NELL2: variants seen among roughly 807,000 people sequenced by gnomAD.
The protein encoded by NELL2 is neural EGFL like 2.
Under a neutral mutation model 109.6 loss-of-function variants are expected in NELL2, and 41 were observed. The observed-to-expected ratio is 0.37, with a 90% confidence interval of 0.29 to 0.49. The LOEUF is 0.49. Among genes scored for constraint, NELL2 ranks in the 20% least tolerant of loss-of-function variants. The probability of loss-of-function intolerance (pLI) is 0.98; values close to 1 mark genes in which losing one functional copy is unlikely to be tolerated. For missense variants in NELL2, 900 were observed against 1,008.3 expected, an observed-to-expected ratio of 0.89 and a Z score of 1.45; for synonymous variants, 355 against 344.7, an observed-to-expected ratio of 1.03 and a Z score of -0.33.
At chr12:44,656,787 C>T (rs955293182) in intron 13 of NELL2, among the ~76,000 whole-genome samples, 3 of 152,046 alleles carry the variant, frequency 2.0e-5, no homozygotes, top group East Asian at 1.9e-4. Flanking sequence ...CATGCACACA[C>T]GATAAATTAT....
chr12:44,910,971 T>C (rs385834), intron 1 of NELL2, among the ~76,000 whole-genome samples: 103,345 of 151,674 alleles, frequency 0.68, 36,014 homozygotes, highest in East Asian at 0.94. Flanking sequence ...GACATAAAGA[T>C]GGCAATAATA....
chr12:44,813,185 C>G (rs1753589037), intron 3 of NELL2, among the ~76,000 whole-genome samples: 1 of 152,152 alleles, frequency 6.6e-6, no homozygotes, highest in South Asian at 2.1e-4. Flanking sequence ...ATCTCCAGGT[C>G]TACACTCTTA....
chr12:44,837,856 A>G (rs1382950429), intron 2 of NELL2, among the ~76,000 whole-genome samples: 1 of 152,212 alleles, frequency 6.6e-6, no homozygotes, highest in Non-Finnish European at 1.5e-5. Context: ...TTTAATTTCT[A>G]CATTAAATCA....
intron 13 of NELL2, among the ~76,000 whole-genome samples, chr12:44,650,726 A>G (rs1740781121): frequency 6.6e-6 from 1 of 150,986 alleles, no homozygotes; most frequent in African/African-American, 2.5e-5. Flanking sequence ...AATTGTCCTT[A>G]TAAGAAGAGA....
chr12:44,587,284 A>AAAAAAAAAAAAAAAAATATATAT, intron 15 of NELL2, among the ~76,000 whole-genome samples: 5 of 72,214 alleles, frequency 6.9e-5, no homozygotes, highest in African/African-American at 2.0e-4. Flanking sequence ...AAAAAAAAAA[A>AAAAAAAAAAAAAAAAATATATAT]ATATATATAT....
chr12:44,802,342 A>G (rs1656947413), intron 3 of NELL2, among the ~76,000 whole-genome samples: 1 of 152,158 alleles, frequency 6.6e-6, no homozygotes, highest in South Asian at 2.1e-4. Flanking sequence ...CTTATTGCTT[A>G]TCAATAACTT....
At chr12:44,607,863 C>T (rs1945460716) in intron 14 of NELL2, among the ~76,000 whole-genome samples, 1 of 152,090 alleles carries the variant, frequency 6.6e-6, no homozygotes, top group Non-Finnish European at 1.5e-5. Flanking sequence ...AGGGCCAAGA[C>T]ACTATATAAC....
rs201806337 is a variant in NELL2 at position 44,694,604 on chromosome 12, C to CT, written c.1318+9121dup. Among the ~76,000 whole-genome samples the CT allele has an allele frequency of 7.8e-3, 1,125 of 144,868 alleles. 8 individuals carry two copies. Among genetic ancestry groups the CT allele is most frequent in the East Asian group, 0.012 (58 of 4,928 alleles). ...CCCTGACTAATACAGTATCCTTAGA[C>CT]TTTTTTTTTTTTATTTAAGAAATTC... On this transcript the variant is annotated intron_variant, in intron 12 of 19. Transcript: ENST00000429094.
intron 9 of NELL2, among the ~76,000 whole-genome samples, chr12:44,730,306 A>G (rs1293098983): frequency 6.6e-6 from 1 of 152,212 alleles, no homozygotes; most frequent in African/African-American, 2.4e-5. Context: ...AGACATATAT[A>G]GAACATTCCA....
Position 44,838,006 on chromosome 12 carries a change from C to T in NELL2, c.185-21870G>A, listed in dbSNP as rs370397499. ...AACTATGGCCTTTGTGAAACCTGCA[C>T]GGGGGAATCCTTGATTGTAATGTTG... On this transcript the variant is annotated intron_variant, in intron 2 of 19. Coordinates refer to ENST00000429094, the MANE Select transcript of NELL2 (RefSeq NM_001145108.2). 5.3e-5 allele frequency among the ~76,000 whole-genome samples: 8 copies of T among 152,166 alleles called. No individual in the cohort carries two copies. The East Asian group carries it at 5.8e-4, about 11-fold the overall frequency.
At chr12:44,768,798 T>C (rs1941435980) in intron 9 of NELL2, among the ~76,000 whole-genome samples, 1 of 152,182 alleles carries the variant, frequency 6.6e-6, no homozygotes, top group Non-Finnish European at 1.5e-5. Context: ...TATATTGGCA[T>C]TCTATTCATG....
chr12:44,795,122 G>A (rs1942573713), intron 3 of NELL2, among the ~76,000 whole-genome samples: 1 of 152,136 alleles, frequency 6.6e-6, no homozygotes, highest in Admixed American at 6.6e-5. Context: ...ATAGGGTCAT[G>A]TCTCATATGA....
At chr12:44,683,968 T>G (rs1948621793) in intron 12 of NELL2, among the ~76,000 whole-genome samples, 1 of 152,226 alleles carries the variant, frequency 6.6e-6, no homozygotes, top group Admixed American at 6.5e-5. Context: ...TCTTTTTCTA[T>G]TGATTGGAAT....
intron 9 of NELL2, among the ~76,000 whole-genome samples, chr12:44,767,346 A>G (rs1048320286): frequency 6.6e-6 from 1 of 152,144 alleles, no homozygotes; most frequent in African/African-American, 2.4e-5. Context: ...GCCTTTTCTA[A>G]ACACCTACTG....
At chr12:44,858,425 C>T (rs1170038837) in intron 2 of NELL2, among the ~76,000 whole-genome samples, 1 of 152,156 alleles carries the variant, frequency 6.6e-6, no homozygotes, top group African/African-American at 2.4e-5. Flanking sequence ...CTCACCCTTT[C>T]CCAAGAATGA....
At chr12:44,809,423 T>A (rs988106253) in intron 3 of NELL2, among the ~76,000 whole-genome samples, 1 of 152,102 alleles carries the variant, frequency 6.6e-6, no homozygotes, top group Non-Finnish European at 1.5e-5. Flanking sequence ...ATGAGAGAAC[T>A]CCTTTAATCA....
intron 15 of NELL2, among the ~76,000 whole-genome samples, chr12:44,569,125 C>A (rs1943767448): frequency 6.6e-6 from 1 of 152,086 alleles, no homozygotes; most frequent in Non-Finnish European, 1.5e-5. Flanking sequence ...TAAGTGAGAA[C>A]AAGTGGTATT....
At chr12:44,782,729 G>A (rs1942011772) in intron 3 of NELL2, among the ~76,000 whole-genome samples, 1 of 151,918 alleles carries the variant, frequency 6.6e-6, no homozygotes, top group African/African-American at 2.4e-5. Flanking sequence ...CGAAAACACA[G>A]AGCTGCAAAA....
chr12:44,697,509 T>C (rs1353143706), intron 12 of NELL2, among the ~76,000 whole-genome samples: 4 of 152,184 alleles, frequency 2.6e-5, no homozygotes, highest in Non-Finnish European at 5.9e-5. Flanking sequence ...CAGTCAGGAA[T>C]ATATATATTT....
Sources: allele counts gnomAD v4.1 joint callset (sites outside exome capture counted in the v4.1 genomes callset), GRCh38; gene constraint gnomAD v4.1.1; transcripts MANE v1.5; gene names NCBI Gene and HGNC (gene_info 2026-07-23, HGNC 2026-07-21).